Variants in SLC35F1 observed in about 807,000 individuals in gnomAD.
SLC35F1 encodes chromosome 6 open reading frame 169.
In SLC35F1, 14 loss-of-function variants were observed where a neutral mutation model predicts 48.7. That is an observed-to-expected ratio of 0.29 (90% CI 0.19 to 0.45). The LOEUF is 0.45. SLC35F1 is among the 20% of genes least tolerant of loss of function. SLC35F1 has a pLI of 1.00. For synonymous variants in SLC35F1, 190 were observed against 202.2 expected (o/e 0.94, Z 0.51); for missense variants, 404 against 500.0 (o/e 0.81, Z 1.83).
At chr6:117,963,251 A>C in intron 1 of SLC35F1, among the ~76,000 whole-genome samples, 1 of 152,136 alleles carries the variant, frequency 6.6e-6, no homozygotes, top group African/African-American at 2.4e-5. Flanking sequence ...TGTGGTAAGG[A>C]TTACTGAGAC....
chr6:118,194,542 C>T (rs928012827), intron 2 of SLC35F1, among the ~76,000 whole-genome samples: 8 of 152,056 alleles, frequency 5.3e-5, no homozygotes, highest in South Asian at 2.1e-4. Context: ...GAATAGCGAG[C>T]TTATGGGTTC....
At chr6:118,017,861 C>T (rs1777343306) in intron 1 of SLC35F1, among the ~76,000 whole-genome samples, 1 of 152,114 alleles carries the variant, frequency 6.6e-6, no homozygotes, top group African/African-American at 2.4e-5. Context: ...TGGACCTTAT[C>T]GTTACTTTAC....
intron 1 of SLC35F1, among the ~76,000 whole-genome samples, chr6:118,036,975 A>G (rs1384159906): frequency 1.3e-5 from 2 of 151,568 alleles, no homozygotes; most frequent in East Asian, 1.9e-4. Context: ...TTTGTAACAT[A>G]TATATTTGAG....
intron 1 of SLC35F1, among the ~76,000 whole-genome samples, chr6:118,088,443 C>T (rs1773023843): frequency 6.6e-6 from 1 of 152,156 alleles, no homozygotes; most frequent in South Asian, 2.1e-4. Context: ...GGAAATAGCC[C>T]ATTTGAAAGA....
intron 1 of SLC35F1, among the ~76,000 whole-genome samples, chr6:118,079,874 A>T (rs1772880302): frequency 6.6e-6 from 1 of 152,126 alleles, no homozygotes; most frequent in African/African-American, 2.4e-5. Context: ...TTTGTCTAGT[A>T]CACAGGACTT....
At chr6:118,145,823 T>G (rs1773964578) in intron 1 of SLC35F1, among the ~76,000 whole-genome samples, 1 of 152,168 alleles carries the variant, frequency 6.6e-6, no homozygotes, top group Non-Finnish European at 1.5e-5. Flanking sequence ...TTTAAAAAAT[T>G]TTCATTAAAT....
At chr6:118,039,402 C>A (rs965983503) in intron 1 of SLC35F1, among the ~76,000 whole-genome samples, 1 of 151,988 alleles carries the variant, frequency 6.6e-6, no homozygotes, top group Non-Finnish European at 1.5e-5. Context: ...TTTACATAAT[C>A]TGAGACGTGC....
At chr6:118,212,137 G>A (rs1775008089) in intron 2 of SLC35F1, among the ~76,000 whole-genome samples, 1 of 152,090 alleles carries the variant, frequency 6.6e-6, no homozygotes, top group South Asian at 2.1e-4. Flanking sequence ...TTCAAGCTAG[G>A]CCAAAGTTTC....
chr6:118,045,646 G>T (rs1230856058), intron 1 of SLC35F1, among the ~76,000 whole-genome samples: 1 of 152,162 alleles, frequency 6.6e-6, no homozygotes, highest in Non-Finnish European at 1.5e-5. Context: ...GTGCATCAGG[G>T]TGATTATGAG....
intron 3 of SLC35F1, among the ~76,000 whole-genome samples, chr6:118,243,206 C>G (rs1270572309): frequency 6.6e-6 from 1 of 152,136 alleles, no homozygotes; most frequent in Non-Finnish European, 1.5e-5. Flanking sequence ...TTTCCGTAGG[C>G]TAAGTTGTAT....
chr6:118,263,160 G>A (rs567616962), intron 3 of SLC35F1, among the ~76,000 whole-genome samples: 110 of 152,282 alleles, frequency 7.2e-4, no homozygotes, highest in African/African-American at 2.5e-3. Context: ...AGGTTCAAGC[G>A]ATTCTCCTGC....
intron 1 of SLC35F1, among the ~76,000 whole-genome samples, chr6:118,015,783 T>G (rs1187097955): frequency 6.6e-6 from 1 of 152,158 alleles, no homozygotes; most frequent in African/African-American, 2.4e-5. Context: ...ATACTACACT[T>G]CTAAATTTTT....
At chr6:118,204,600 G>T (rs1210543301) in intron 2 of SLC35F1, among the ~76,000 whole-genome samples, 1 of 152,116 alleles carries the variant, frequency 6.6e-6, no homozygotes, top group Non-Finnish European at 1.5e-5. Flanking sequence ...CTGAACAGAG[G>T]TATCATGAAG....
At chr6:118,161,818 G>T (rs1774238661) in intron 2 of SLC35F1, among the ~76,000 whole-genome samples, 1 of 152,204 alleles carries the variant, frequency 6.6e-6, no homozygotes, top group Admixed American at 6.5e-5. Flanking sequence ...CAAATATCAT[G>T]CTGGGAAATT....
At chr6:118,078,254 G>A (rs1202030171) in intron 1 of SLC35F1, among the ~76,000 whole-genome samples, 1 of 152,100 alleles carries the variant, frequency 6.6e-6, no homozygotes, top group Non-Finnish European at 1.5e-5. Flanking sequence ...AGCTCGAGTT[G>A]AATACAATGA....
chr6:117,908,664 C>T (rs1156848723), intron 1 of SLC35F1, among the ~76,000 whole-genome samples: 1 of 152,222 alleles, frequency 6.6e-6, no homozygotes, highest in African/African-American at 2.4e-5. Flanking sequence ...GGATGAGGAC[C>T]TGGGTTGACG....
intron 2 of SLC35F1, among the ~76,000 whole-genome samples, chr6:118,214,318 G>T (rs979867810): frequency 6.6e-6 from 1 of 152,088 alleles, no homozygotes; most frequent in African/African-American, 2.4e-5. Flanking sequence ...ATATGAAATT[G>T]TTACAGTTGT....
rs561755379 is a variant in SLC35F1, at chr6:118,204,552, T to TA, written c.350-30956dup. Among the ~76,000 whole-genome samples the TA allele has an allele frequency of 2.9e-4, 44 of 152,342 alleles. 2 individuals are homozygous for TA. The South Asian group carries it at 7.7e-3, about 27-fold the overall frequency. The stretch of plus-strand genomic sequence containing the variant: ...TCTGAAATACGTACAGCTCTCAGGC[T>TA]ATTGAATCTAGCTGTGCCCTCAAAA... On this transcript the variant is annotated intron_variant, in intron 2 of 7. Coordinates refer to ENST00000360388, the MANE Select transcript of SLC35F1 (RefSeq NM_001029858.4).
intron 1 of SLC35F1, among the ~76,000 whole-genome samples, chr6:117,975,284 T>C (rs1776691317): frequency 6.6e-6 from 1 of 152,200 alleles, no homozygotes; most frequent in African/African-American, 2.4e-5. Context: ...TTTGTTGAAG[T>C]TATTTGACAA....
Sources: allele counts gnomAD v4.1 joint callset (sites outside exome capture counted in the v4.1 genomes callset), GRCh38; gene constraint gnomAD v4.1.1; transcripts MANE v1.5; gene names NCBI Gene and HGNC (gene_info 2026-07-23, HGNC 2026-07-21).